SGMS1: variants seen among roughly 807,000 people sequenced by gnomAD.
The protein encoded by SGMS1 is sphingomyelin synthase 1, also known as phosphatidylcholine:ceramide cholinephosphotransferase 1.
SGMS1 carries 13 observed loss-of-function variants against 46.2 expected under a neutral mutation model. The observed-to-expected ratio is 0.28, with a 90% CI of 0.18 to 0.45. The LOEUF (loss-of-function observed/expected upper bound fraction) is 0.45, where lower values mean the gene tolerates loss of function less well. Ranked by LOEUF, SGMS1 falls within the 20% of genes least tolerant of loss-of-function variation. The pLI, the probability that SGMS1 is intolerant of heterozygous loss-of-function variation, is 1.00. For synonymous variants in SGMS1, 203 were observed against 187.8 expected (o/e 1.08, Z -0.66); for missense variants, 324 against 519.9 (o/e 0.62, Z 3.66).
intron 2 of SGMS1, among the ~76,000 whole-genome samples, chr10:50,576,101 AG>A (rs1165076049): frequency 6.6e-6 from 1 of 152,008 alleles, no homozygotes; most frequent in Non-Finnish European, 1.5e-5. Flanking sequence ...AAAGTCAAGC[AG>A]GAGATGGGAA....
intron 3 of SGMS1, among the ~76,000 whole-genome samples, chr10:50,480,395 C>A (rs1348761316): frequency 6.6e-6 from 1 of 151,816 alleles, no homozygotes; most frequent in African/African-American, 2.4e-5. Context: ...TCCCACCAAG[C>A]AGAATGAAAA....
chr10:50,502,233 C>T (rs1351406537), intron 3 of SGMS1, among the ~76,000 whole-genome samples: 4 of 150,812 alleles, frequency 2.7e-5, no homozygotes, highest in African/African-American at 7.3e-5. Context: ...ATCTCTACTG[C>T]CTGCAAAAAG....
chr10:50,416,873 A>C (rs1039493238), intron 6 of SGMS1, among the ~76,000 whole-genome samples: 5 of 149,190 alleles, frequency 3.4e-5, no homozygotes, highest in African/African-American at 1.2e-4. Context: ...GCTGCGAAGA[A>C]TTTTCTTTCT....
intron 1 of SGMS1, among the ~76,000 whole-genome samples, chr10:50,616,113 G>A (rs183051485): frequency 6.6e-6 from 1 of 152,138 alleles, no homozygotes; most frequent in African/African-American, 2.4e-5. Context: ...AAGTTTATGA[G>A]ATTTATTTTA....
chr10:50,545,088 G>GATGAC (rs1838088744), intron 2 of SGMS1, among the ~76,000 whole-genome samples: 1 of 152,144 alleles, frequency 6.6e-6, no homozygotes, highest in African/African-American at 2.4e-5. Flanking sequence ...TAGCTTTGAG[G>GATGAC]ATGACAAGGC....
intron 2 of SGMS1, among the ~76,000 whole-genome samples, chr10:50,534,519 C>T (rs773740742): frequency 2.1e-4 from 32 of 152,156 alleles, no homozygotes; most frequent in Non-Finnish European, 3.8e-4. Flanking sequence ...TATGCCCATG[C>T]TGTTTGACAC....
intron 7 of SGMS1, among the ~76,000 whole-genome samples, chr10:50,333,763 T>C (rs1358111527): frequency 6.6e-6 from 1 of 152,236 alleles, no homozygotes; most frequent in Non-Finnish European, 1.5e-5. Context: ...ACTCATTTAA[T>C]ATTCCTAGGT....
rs1048533520 is a variant in SGMS1 at position 50,574,663 on chromosome 10, T to A, written c.-589+15490A>T. Among the ~76,000 whole-genome samples, 14 of 152,074 alleles carry A rather than the reference T, an allele frequency of 9.2e-5. 1 individual carries two copies. Among genetic ancestry groups the A allele is most frequent in the Admixed American group, 6.6e-5 (1 of 15,264 alleles). ...ATATCCAAAAGAACTGAAATCAGGA[T>A]CTTGAGGAGATACCTGCATGCTCAT... On this transcript the variant is annotated intron_variant, in intron 2 of 10. Transcript: ENST00000361781.
intron 5 of SGMS1, among the ~76,000 whole-genome samples, chr10:50,438,094 C>T (rs1233414816): frequency 6.6e-6 from 1 of 152,154 alleles, no homozygotes; most frequent in African/African-American, 2.4e-5. Context: ...GGAGAATGGA[C>T]AGAGAGGAGA....
rs1414976091 is a variant in SGMS1 at position 50,327,298 on chromosome 10, G to A, written c.648C>T (p.Phe216=). 6.2e-7 allele frequency: 1 copy of A among 1,606,982 alleles called. No individual in the cohort carries two copies. The change falls in exon 8 of 11, where the codon TTC becomes TTT. Residue 216 remains phenylalanine (F), a synonymous_variant. Coordinates refer to ENST00000361781, the MANE Select transcript of SGMS1 (RefSeq NM_147156.4). ...ACAGGTACAGCGTGCCAACTATGCA[G>A]AAAAATCTTCTGCTAATAATAGACC... ...KYKSIISRRF[F]CIVGTLYLYR...
intron 6 of SGMS1, among the ~76,000 whole-genome samples, chr10:50,348,106 G>A (rs1295592735): frequency 6.6e-6 from 1 of 152,112 alleles, no homozygotes; most frequent in South Asian, 2.1e-4. Context: ...GTGAGAACAT[G>A]TGGTTTTTGG....
chr10:50,402,644 A>G (rs942048564), intron 6 of SGMS1, among the ~76,000 whole-genome samples: 32 of 152,200 alleles, frequency 2.1e-4, no homozygotes, highest in African/African-American at 7.5e-4. Flanking sequence ...ACAAAGAACT[A>G]GTCAACTATT....
chr10:50,376,052 T>C (rs1258694499), intron 6 of SGMS1, among the ~76,000 whole-genome samples: 1 of 152,210 alleles, frequency 6.6e-6, no homozygotes. Context: ...CTCATGCTTT[T>C]ATTTCTTCTA....
upstream of SGMS1, among the ~76,000 whole-genome samples, chr10:50,624,374 C>A (rs912744861): frequency 6.6e-6 from 1 of 152,168 alleles, no homozygotes; most frequent in Non-Finnish European, 1.5e-5. Context: ...TCCCACCAAG[C>A]CCAAGGGCTG....
At chr10:50,482,075 G>A (rs1032602221) in intron 3 of SGMS1, among the ~76,000 whole-genome samples, 4 of 152,216 alleles carry the variant, frequency 2.6e-5, no homozygotes, top group African/African-American at 9.6e-5. Flanking sequence ...TGGAAAGAAT[G>A]GAACCAAGTT....
chr10:50,619,010 A>C (rs1838823010), intron 1 of SGMS1, among the ~76,000 whole-genome samples: 1 of 152,074 alleles, frequency 6.6e-6, no homozygotes, highest in South Asian at 2.1e-4. Context: ...GAAAATGCAC[A>C]CAGACCCAGC....
chr10:50,351,975 C>T (rs1848026305), intron 6 of SGMS1, among the ~76,000 whole-genome samples: 1 of 152,184 alleles, frequency 6.6e-6, no homozygotes, highest in Admixed American at 6.5e-5. Context: ...TAAATATATA[C>T]TGAAGCTGCC....
chr10:50,437,692 C>T (rs1849492820), intron 5 of SGMS1, among the ~76,000 whole-genome samples: 1 of 152,162 alleles, frequency 6.6e-6, no homozygotes, highest in Admixed American at 6.5e-5. Context: ...TGATTCTAAC[C>T]TGAAATTTAC....
chr10:50,356,833 C>A (rs983677751), intron 6 of SGMS1, among the ~76,000 whole-genome samples: 2 of 151,860 alleles, frequency 1.3e-5, no homozygotes, highest in African/African-American at 4.8e-5. Flanking sequence ...AACCAAACAC[C>A]ACATGTTCTC....
Sources: gnomAD v4.1 joint callset for allele counts (sites outside exome capture counted in the v4.1 genomes callset) on GRCh38, gnomAD v4.1.1 for gene constraint, MANE v1.5 for transcripts, NCBI Gene and HGNC (gene_info 2026-07-23, HGNC 2026-07-21) for gene names.